PLCB1: variants seen among roughly 807,000 people sequenced by gnomAD.
PLCB1 encodes 1-phosphatidylinositol 4,5-bisphosphate phosphodiesterase beta-1.
Under a neutral mutation model 161.8 loss-of-function variants are expected in PLCB1, and 46 were observed. The ratio of observed to expected loss-of-function variants is 0.28; its 90% CI spans 0.22 to 0.36. PLCB1 has a LOEUF of 0.36. Among genes scored for constraint, PLCB1 ranks in the 10% least tolerant of loss-of-function variants. The probability of loss-of-function intolerance (pLI) is 1.00; values close to 1 mark genes in which losing one functional copy is unlikely to be tolerated. For synonymous variants in PLCB1, 517 were observed against 503.7 expected (o/e 1.03, Z -0.35); for missense variants, 1,016 against 1,472.5 (o/e 0.69, Z 5.07).
At chr20:8,422,110 T>A (rs148369310) in intron 3 of PLCB1, among the ~76,000 whole-genome samples, 22 of 152,204 alleles carry the variant, frequency 1.4e-4, no homozygotes, top group African/African-American at 5.3e-4. Context: ...GCTCAATTTG[T>A]TTTGTGAATT....
intron 2 of PLCB1, among the ~76,000 whole-genome samples, chr20:8,365,084 C>T (rs778317747): frequency 4.6e-5 from 7 of 152,120 alleles, no homozygotes; most frequent in Non-Finnish European, 5.9e-5. Flanking sequence ...ATTCAGTACT[C>T]GCTGCTTGCT....
chr20:8,762,560 C>T (rs972525939), intron 25 of PLCB1, among the ~76,000 whole-genome samples: 5 of 152,068 alleles, frequency 3.3e-5, no homozygotes, highest in Middle Eastern at 3.2e-3. Flanking sequence ...ATGCTGTAAA[C>T]CACTTTTAAA....
intron 2 of PLCB1, among the ~76,000 whole-genome samples, chr20:8,322,597 G>C (rs1423828606): frequency 2.0e-5 from 3 of 151,414 alleles, no homozygotes; most frequent in Admixed American, 1.3e-4. Context: ...AAAACTGAAT[G>C]AAAAGATAGA....
At chr20:8,802,169 G>T in intron 31 of PLCB1, 1 of 1,578,740 alleles carries the variant, frequency 6.3e-7, no homozygotes, top group Non-Finnish European at 8.7e-7. Context: ...CGTCCTTCCG[G>T]CCAGGTAGGA....
At chr20:8,194,644 T>C (rs1304753629) in intron 2 of PLCB1, among the ~76,000 whole-genome samples, 3 of 152,030 alleles carry the variant, frequency 2.0e-5, no homozygotes, top group Non-Finnish European at 4.4e-5. Context: ...ATTTGTTTTA[T>C]AGATTTGCAG....
intron 10 of PLCB1, among the ~76,000 whole-genome samples, chr20:8,687,304 C>T (rs1457465120): frequency 3.9e-5 from 6 of 152,182 alleles, no homozygotes; most frequent in Non-Finnish European, 8.8e-5. Context: ...GGATTAACGA[C>T]ATGAGCCACT....
At chr20:8,218,511 T>C (rs757727405) in intron 2 of PLCB1, among the ~76,000 whole-genome samples, 1 of 152,136 alleles carries the variant, frequency 6.6e-6, no homozygotes, top group Non-Finnish European at 1.5e-5. Flanking sequence ...GTGATTTAAT[T>C]CCTCAGTTAC....
At chr20:8,655,612 T>C (rs1402325330) in intron 7 of PLCB1, among the ~76,000 whole-genome samples, 1 of 152,050 alleles carries the variant, frequency 6.6e-6, no homozygotes, top group Admixed American at 6.6e-5. Context: ...ATGACAATTA[T>C]TGCTATCCTT....
At position 8,760,315 on chromosome 20, in the gene PLCB1, T is replaced by C. The variant is rs111540716; in HGVS notation, c.2657-92T>C. 612 of 709,526 alleles carry C rather than the reference T, an allele frequency of 8.6e-4. 2 individuals carry two copies. In the African/African-American group the frequency reaches 9.8e-3, roughly 11 times the overall value. 44.0% of individuals were successfully genotyped at this position (709,526 alleles called of 1,614,324 possible). ...TTTGTCATTTCTCTGAAAAGAGATTTAGATTCAAGGCCCAAATATGTTTGT... is the reference window on the plus strand; with the variant it reads ...TTTGTCATTTCTCTGAAAAGAGATTCAGATTCAAGGCCCAAATATGTTTGT... On this transcript the variant is annotated intron_variant, in intron 24 of 31. Coordinates refer to ENST00000338037, the MANE Select transcript of PLCB1 (RefSeq NM_015192.4).
At chr20:8,473,072 G>A (rs1384256531) in intron 3 of PLCB1, among the ~76,000 whole-genome samples, 1 of 152,132 alleles carries the variant, frequency 6.6e-6, no homozygotes, top group Non-Finnish European at 1.5e-5. Flanking sequence ...TTCTGTGAAT[G>A]TGACTCTAGC....
chr20:8,316,968 C>G (rs1984690097), intron 2 of PLCB1, among the ~76,000 whole-genome samples: 1 of 137,578 alleles, frequency 7.3e-6, no homozygotes, highest in Non-Finnish European at 1.6e-5. Flanking sequence ...GCCCAGATAC[C>G]CTCAAACAAG....
At chr20:8,371,523 T>C in intron 3 of PLCB1, 73 bp downstream of exon 3, 1 of 1,033,452 alleles carries the variant, frequency 9.7e-7, no homozygotes, top group East Asian at 2.4e-5. Flanking sequence ...ATCAATTAAT[T>C]GCCCCAATTA....
At chr20:8,780,108 T>C (rs1381579790) in intron 27 of PLCB1, among the ~76,000 whole-genome samples, 1 of 152,208 alleles carries the variant, frequency 6.6e-6, no homozygotes, top group African/African-American at 2.4e-5. Context: ...TATCTGTTTT[T>C]CATCAACTGC....
chr20:8,539,607 T>C (rs1419851664), intron 3 of PLCB1, among the ~76,000 whole-genome samples: 1 of 151,136 alleles, frequency 6.6e-6, no homozygotes, highest in African/African-American at 2.4e-5. Flanking sequence ...TACTTGCCTC[T>C]TTTCTTTATT....
At chr20:8,349,927 C>T (rs1327197510) in intron 2 of PLCB1, among the ~76,000 whole-genome samples, 2 of 151,934 alleles carry the variant, frequency 1.3e-5, no homozygotes, top group African/African-American at 4.8e-5. Flanking sequence ...TCTTTATTTG[C>T]AGATAGCATA....
chr20:8,242,097 T>G (rs1377187669), intron 2 of PLCB1, among the ~76,000 whole-genome samples: 1 of 151,978 alleles, frequency 6.6e-6, no homozygotes, highest in East Asian at 1.9e-4. Flanking sequence ...AAGGACTCCC[T>G]GTGTCTCTCC....
chr20:8,788,886 T>G (rs1983618919), intron 29 of PLCB1, among the ~76,000 whole-genome samples, 164 bp downstream of exon 29: 1 of 152,126 alleles, frequency 6.6e-6, no homozygotes. Context: ...CAGGGAAGGC[T>G]CAAGCAAAGA....
chr20:8,751,718 C>A (rs528147469), intron 23 of PLCB1: 1 of 152,222 alleles, frequency 6.6e-6, no homozygotes, highest in South Asian at 2.1e-4. Flanking sequence ...TAAGAAAAAT[C>A]TAGTCAATGC....
chr20:8,871,087 A>G (rs1224569639), intron 31 of PLCB1, among the ~76,000 whole-genome samples: 4 of 152,212 alleles, frequency 2.6e-5, no homozygotes, highest in Non-Finnish European at 5.9e-5. Flanking sequence ...GTCACTTTTA[A>G]TGTGCATCCA....
Sources: gnomAD v4.1 joint callset for allele counts (sites outside exome capture counted in the v4.1 genomes callset) on GRCh38, gnomAD v4.1.1 for gene constraint, MANE v1.5 for transcripts, NCBI Gene and HGNC (gene_info 2026-07-23, HGNC 2026-07-21) for gene names.